The following ACOX3 variants were observed in gnomAD, a reference collection of about 807,000 sequenced individuals.
The protein encoded by ACOX3 is acyl-CoA oxidase 3, pristanoyl.
A neutral mutation model predicts 81.5 loss-of-function variants in ACOX3; 73 were observed. The observed-to-expected ratio is 0.90, with a 90% CI of 0.74 to 1.09. The LOEUF is 1.09. Among genes scored for constraint, ACOX3 ranks in the 50% least tolerant of loss-of-function variants. The pLI, the probability that ACOX3 is intolerant of heterozygous loss-of-function variation, is 0.00. For missense variants in ACOX3, 947 were observed against 928.0 expected, an observed-to-expected ratio of 1.02 and a Z score of -0.27; for synonymous variants, 387 against 375.1, an observed-to-expected ratio of 1.03 and a Z score of -0.37.
chr4:8,379,357 C>T (rs1035240509), intron 14 of ACOX3, among the ~76,000 whole-genome samples: 28 of 152,300 alleles, frequency 1.8e-4, no homozygotes, highest in Admixed American at 1.4e-3. Context: ...AAAAGCTCCG[C>T]GACCCGGGGC....
At position 8,389,734 on chromosome 4, in the gene ACOX3, A is replaced by G; in HGVS notation, c.1301T>C (p.Met434Thr). ...ATCTCTAAGGACACCCAACCGGTTC[A>G]CTGCAACAAAGCCACAATAGTACCA... ...EACGGHGYLA[M>T]NRLGVLRDDN... Residue 434 changes from methionine to threonine, a missense_variant and splice_region_variant, in exon 12 of 18, where the codon ATG (methionine) becomes ACG (threonine). Coordinates refer to ENST00000356406, the MANE Select transcript of ACOX3 (RefSeq NM_003501.3). This position sits in a 1 kb window ranked among gnomAD's most constrained non-coding sequence, Gnocchi z 5.3. 2.5e-6 allele frequency: 4 copies of G among 1,613,858 alleles called. No homozygotes were observed. Among genetic ancestry groups the G allele is most frequent in the Non-Finnish European group, 3.4e-6 (4 of 1,179,928 alleles).
intron 1 of ACOX3, among the ~76,000 whole-genome samples, chr4:8,420,004 T>C (rs1722757593): frequency 6.6e-6 from 1 of 152,244 alleles, no homozygotes; most frequent in Non-Finnish European, 1.5e-5. Context: ...CTCCAGTTAC[T>C]GAGCTGGTGC....
At position 8,384,953 on chromosome 4, in the gene ACOX3, C is replaced by T. The variant is rs988172967; in HGVS notation, c.1538-3346G>A. 1.3e-5 allele frequency among the ~76,000 whole-genome samples: 2 copies of T among 152,162 alleles called. No homozygotes were observed. Among genetic ancestry groups the T allele is most frequent in the African/African-American group, 4.8e-5 (2 of 41,442 alleles). The stretch of plus-strand genomic sequence containing the variant: ...CAGTTTTGTGGGAGACATTCCCTGA[C>T]CCACCAAGGCAGACCTCACCTGCAT... On this transcript the variant is annotated intron_variant, in intron 13 of 17. Coordinates refer to ENST00000356406, the MANE Select transcript of ACOX3 (RefSeq NM_003501.3). The surrounding 1 kb of genome is among the most constrained non-coding windows in gnomAD (Gnocchi z 5.3).
In ACOX3 at chr4:8,414,828, A is replaced by G. The variant is rs1225879779; in HGVS notation, c.453+26T>C. On this transcript the variant is annotated intron_variant, in intron 4 of 17. Coordinates refer to ENST00000356406, the MANE Select transcript of ACOX3 (RefSeq NM_003501.3). This position sits in a 1 kb window ranked among gnomAD's most constrained non-coding sequence, Gnocchi z 6.1. ...GAGATCAAGCAAGAGAACCAGGCTC[A>G]CAATTTACCATGAACCAGAACTTAC... 1.2e-6 allele frequency: 2 copies of G among 1,606,092 alleles called. No homozygotes were observed. The highest frequency in any genetic ancestry group is 1.7e-6 in the Non-Finnish European group (2 of 1,172,772).
chr4:8,380,337 A>G (rs1208364318), intron 14 of ACOX3, among the ~76,000 whole-genome samples: 2 of 152,028 alleles, frequency 1.3e-5, no homozygotes, highest in African/African-American at 2.4e-5. Flanking sequence ...CTACAGGCGC[A>G]TGACACCATG....
Position 8,389,123 on chromosome 4 carries a change from G to C in ACOX3, c.1537+50C>G, listed in dbSNP as rs1411749748. 4.7e-6 allele frequency: 7 copies of C among 1,499,010 alleles called. No individual in the cohort carries two copies. The highest frequency in any genetic ancestry group is 6.5e-6 in the Non-Finnish European group (7 of 1,080,174). The allele number at this position is 1,499,010 out of a possible 1,614,324, so 92.9% of individuals were successfully genotyped here. The stretch of plus-strand genomic sequence containing the variant: ...CGAGGCACGGTGCGTTTCCTGGTGG[G>C]AATGACAGGAAATCAGGAGGCCAGG... On this transcript the variant is annotated intron_variant, in intron 13 of 17. Coordinates refer to ENST00000356406, the MANE Select transcript of ACOX3 (RefSeq NM_003501.3). The surrounding 1 kb of genome is among the most constrained non-coding windows in gnomAD (Gnocchi z 5.3).
intron 7 of ACOX3, among the ~76,000 whole-genome samples, chr4:8,403,080 T>C (rs1265517910): frequency 6.6e-6 from 1 of 152,232 alleles, no homozygotes; most frequent in Non-Finnish European, 1.5e-5. Flanking sequence ...AGAAGATCTT[T>C]ATGATTTTGC....
intron 13 of ACOX3, among the ~76,000 whole-genome samples, chr4:8,383,672 G>A (rs1717968731): frequency 6.6e-6 from 1 of 152,172 alleles, no homozygotes; most frequent in African/African-American, 2.4e-5. Context: ...CCAGGCCGTG[G>A]CTCTCTGCTG....
intron 1 of ACOX3, among the ~76,000 whole-genome samples, chr4:8,426,827 T>C (rs1239030155): frequency 6.6e-6 from 1 of 152,146 alleles, no homozygotes; most frequent in Non-Finnish European, 1.5e-5. Flanking sequence ...ATGCAGTCCA[T>C]GACTAAGATC....
intron 14 of ACOX3, among the ~76,000 whole-genome samples, chr4:8,380,783 G>A (rs1030979313): frequency 3.3e-5 from 5 of 152,196 alleles, no homozygotes; most frequent in East Asian, 1.9e-4. Flanking sequence ...CTCATGGCCT[G>A]AGTCTCCCCA....
In ACOX3 at chr4:8,415,390, C is replaced by T. The variant is rs552620737; in HGVS notation, c.378+376G>A. Among the ~76,000 whole-genome samples, 6 of 152,064 alleles carry T rather than the reference C, an allele frequency of 3.9e-5. No individual in the cohort carries two copies. The East Asian group carries it at 1.2e-3, about 29-fold the overall frequency. On this transcript the variant is annotated intron_variant, in intron 3 of 17. Coordinates refer to ENST00000356406, the MANE Select transcript of ACOX3 (RefSeq NM_003501.3). ...AAGGAAGGAAAAACACAGGTTTCTC[C>T]CTTTGGCCTACTTTTTAAATTTTTT...
chr4:8,401,528 T>G (rs369602294), intron 7 of ACOX3, among the ~76,000 whole-genome samples: 4 of 152,292 alleles, frequency 2.6e-5, no homozygotes, highest in African/African-American at 9.6e-5. Context: ...TCAGCTCTCC[T>G]GGGCTGATTT....
At chr4:8,413,643 C>T (rs1169048353) in intron 5 of ACOX3, among the ~76,000 whole-genome samples, 1 of 150,782 alleles carries the variant, frequency 6.6e-6, no homozygotes, top group Non-Finnish European at 1.5e-5. Context: ...CACCCCTCCA[C>T]CCCTCCACAG....
intron 15 of ACOX3, 102 bp downstream of exon 15, chr4:8,374,876 G>A (rs572739595): frequency 7.6e-7 from 1 of 1,307,392 alleles, no homozygotes; most frequent in South Asian, 1.6e-5. Context: ...TGCTCAGTGA[G>A]TCCCGTGGAA....
rs988287188 is a variant in ACOX3, at chr4:8,370,344, A to C, written c.1983+564T>G. On this transcript the variant is annotated intron_variant, in intron 17 of 17. Coordinates refer to ENST00000356406, the MANE Select transcript of ACOX3 (RefSeq NM_003501.3). This position sits in a 1 kb window ranked among gnomAD's most constrained non-coding sequence, Gnocchi z 6.3. ...CGAGGAGGCTGGTGGAGGCTCCCTCAGGGGGGCGGCCTGACCCCATCTGCT... is the reference window on the plus strand; with the variant it reads ...CGAGGAGGCTGGTGGAGGCTCCCTCCGGGGGGCGGCCTGACCCCATCTGCT... Among the ~76,000 whole-genome samples, 2 of 151,844 alleles carry C rather than the reference A, an allele frequency of 1.3e-5. No homozygotes were observed. The highest frequency in any genetic ancestry group is 2.9e-5 in the Non-Finnish European group (2 of 67,942).
chr4:8,369,005 C>T (rs904717309), intron 17 of ACOX3, among the ~76,000 whole-genome samples: 1 of 152,154 alleles, frequency 6.6e-6, no homozygotes, highest in Non-Finnish European at 1.5e-5. Flanking sequence ...ATAAACCATC[C>T]TGCCAGCGAC....
chr4:8,435,666 T>C (rs1340972032), intron 1 of ACOX3, among the ~76,000 whole-genome samples: 2 of 152,154 alleles, frequency 1.3e-5, no homozygotes, highest in Non-Finnish European at 2.9e-5. Context: ...AAATATAATA[T>C]AGACAAAAAC....
chr4:8,413,004 C>T (rs1721899379), intron 5 of ACOX3, among the ~76,000 whole-genome samples: 1 of 148,492 alleles, frequency 6.7e-6, no homozygotes, highest in African/African-American at 2.5e-5. Context: ...CACTGCACCC[C>T]TGCACCCCTC....
chr4:8,362,461 A>G (rs901649065), downstream of ACOX3, among the ~76,000 whole-genome samples: 4 of 152,242 alleles, frequency 2.6e-5, no homozygotes, highest in Non-Finnish European at 1.5e-5. Flanking sequence ...ATTTGTGAGT[A>G]TTCTTAATTT....
Sources: gnomAD v4.1 joint callset for allele counts (sites outside exome capture counted in the v4.1 genomes callset) on GRCh38, gnomAD v4.1.1 for gene constraint, Gnocchi (gnomAD v3.1) non-coding constraint, MANE v1.5 for transcripts, NCBI Gene and HGNC (gene_info 2026-07-23, HGNC 2026-07-21) for gene names.